The following GRID1 variants were observed in gnomAD, a reference collection of about 807,000 sequenced individuals.
GRID1 encodes the protein glutamate receptor ionotropic, delta-1.
In GRID1, 28 loss-of-function variants were observed where a neutral mutation model predicts 98.0. The observed-to-expected ratio is 0.29, with a 90% confidence interval of 0.21 to 0.39. The LOEUF is 0.39. GRID1 is among the 10% of genes least tolerant of loss of function. The pLI, the probability that GRID1 is intolerant of heterozygous loss-of-function variation, is 1.00. For missense variants in GRID1, 1,111 were observed against 1,340.5 expected, an observed-to-expected ratio of 0.83 and a Z score of 2.67; for synonymous variants, 553 against 538.5, an observed-to-expected ratio of 1.03 and a Z score of -0.37.
At chr10:85,930,707 T>G (rs1841840296) in intron 4 of GRID1, among the ~76,000 whole-genome samples, 1 of 152,244 alleles carries the variant, frequency 6.6e-6, no homozygotes, top group Non-Finnish European at 1.5e-5. Flanking sequence ...TGTAAGTTTT[T>G]GAGTATTTCC....
intron 3 of GRID1, among the ~76,000 whole-genome samples, chr10:86,161,439 G>A (rs1845321232): frequency 6.6e-6 from 1 of 152,082 alleles, no homozygotes. Flanking sequence ...CCAGGCTCTG[G>A]GGCAGGCTAA....
At chr10:85,787,813 C>G (rs758159798) in intron 8 of GRID1, among the ~76,000 whole-genome samples, 3 of 152,178 alleles carry the variant, frequency 2.0e-5, no homozygotes, top group Admixed American at 6.5e-5. Flanking sequence ...TGTCATCTGA[C>G]AGCCAGGGGC....
Position 86,221,000 on chromosome 10 carries a change from G to A in GRID1, c.236-14352C>T, listed in dbSNP as rs568066484. On this transcript the variant is annotated intron_variant, in intron 2 of 15. Coordinates refer to ENST00000327946, the MANE Select transcript of GRID1 (RefSeq NM_017551.3). Reference sequence around the variant, plus strand: ...TTGATCAACCCTGCGCCTCCAGGAGGAGGCAAAGCCATCACGACATAAGCC... The same window carrying A: ...TTGATCAACCCTGCGCCTCCAGGAGAAGGCAAAGCCATCACGACATAAGCC... Among the ~76,000 whole-genome samples, 7 of 152,278 alleles carry A rather than the reference G, an allele frequency of 4.6e-5. No individual in the cohort carries two copies. The South Asian group carries it at 1.5e-3, about 32-fold the overall frequency.
At chr10:86,125,007 G>A (rs1844731956) in intron 4 of GRID1, among the ~76,000 whole-genome samples, 1 of 152,192 alleles carries the variant, frequency 6.6e-6, no homozygotes, top group Non-Finnish European at 1.5e-5. Context: ...ATCATAAGAT[G>A]AGGTTGGTCC....
At chr10:85,786,086 C>T (rs1842426427) in intron 8 of GRID1, among the ~76,000 whole-genome samples, 1 of 152,148 alleles carries the variant, frequency 6.6e-6, no homozygotes, top group African/African-American at 2.4e-5. Flanking sequence ...ATCTCTAGCC[C>T]AGCTACATCA....
intron 2 of GRID1, among the ~76,000 whole-genome samples, chr10:86,282,979 G>A (rs1847377291): frequency 6.6e-6 from 1 of 152,114 alleles, no homozygotes; most frequent in Non-Finnish European, 1.5e-5. Context: ...CACAGTCAGG[G>A]CCAGGCCTCT....
At chr10:85,626,694 C>T (rs952431464) in intron 13 of GRID1, among the ~76,000 whole-genome samples, 15 of 152,158 alleles carry the variant, frequency 9.9e-5, no homozygotes, top group Non-Finnish European at 1.8e-4. Flanking sequence ...TTCCTATAGT[C>T]ACGTTCATTC....
chr10:85,789,232 A>G (rs1217927418), intron 8 of GRID1, among the ~76,000 whole-genome samples: 1 of 152,110 alleles, frequency 6.6e-6, no homozygotes, highest in Non-Finnish European at 1.5e-5. Flanking sequence ...GTGACTGTGT[A>G]AGCAGGAACC....
chr10:85,821,664 G>C (rs905491655), intron 8 of GRID1, among the ~76,000 whole-genome samples: 1 of 151,890 alleles, frequency 6.6e-6, no homozygotes, highest in Admixed American at 6.6e-5. Flanking sequence ...ACAAAAATTT[G>C]GGTGTCTGTA....
At chr10:85,977,108 C>A (rs12762130) in intron 4 of GRID1, among the ~76,000 whole-genome samples, 18,756 of 152,222 alleles carry the variant, frequency 0.12, 1,524 homozygotes, top group Non-Finnish European at 0.18. Context: ...TCTCCTGATG[C>A]ATTTGATTTG....
At chr10:86,290,541 T>C (rs1847497413) in intron 2 of GRID1, among the ~76,000 whole-genome samples, 1 of 152,112 alleles carries the variant, frequency 6.6e-6, no homozygotes, top group Admixed American at 6.5e-5. Context: ...TATTCCCACC[T>C]ACTCAGGAGG....
chr10:86,204,630 C>T (rs1845999797), intron 3 of GRID1, among the ~76,000 whole-genome samples: 1 of 152,220 alleles, frequency 6.6e-6, no homozygotes, highest in South Asian at 2.1e-4. Flanking sequence ...CACAGGAGCC[C>T]AGGCGGGTGG....
intron 12 of GRID1, among the ~76,000 whole-genome samples, chr10:85,658,219 C>T (rs1388712857): frequency 1.3e-5 from 2 of 152,128 alleles, no homozygotes; most frequent in African/African-American, 2.4e-5. Flanking sequence ...ACCATCTTTC[C>T]TTCCCTCTTC....
chr10:85,835,730 A>G (rs1842906654), intron 8 of GRID1, among the ~76,000 whole-genome samples: 1 of 152,240 alleles, frequency 6.6e-6, no homozygotes, highest in Admixed American at 6.5e-5. Flanking sequence ...TCAGCAGAAT[A>G]TACATCTTTT....
At chr10:85,815,453 A>T (rs2131746875) in intron 8 of GRID1, among the ~76,000 whole-genome samples, 1 of 152,132 alleles carries the variant, frequency 6.6e-6, no homozygotes, top group Non-Finnish European at 1.5e-5. Flanking sequence ...AATAAATAGA[A>T]CTGTCTTTAT....
At chr10:85,904,185 G>T (rs1411587461) in intron 5 of GRID1, among the ~76,000 whole-genome samples, 1 of 152,168 alleles carries the variant, frequency 6.6e-6, no homozygotes. Context: ...AACCAAGATG[G>T]AGTAACAGGG....
intron 13 of GRID1, among the ~76,000 whole-genome samples, chr10:85,636,700 T>G (rs1336567934): frequency 6.6e-6 from 1 of 152,206 alleles, no homozygotes; most frequent in Non-Finnish European, 1.5e-5. Flanking sequence ...TACTAATTTA[T>G]TTTTTAAATC....
intron 4 of GRID1, among the ~76,000 whole-genome samples, chr10:85,959,323 G>T (rs1004015681): frequency 6.6e-6 from 1 of 152,184 alleles, no homozygotes; most frequent in Non-Finnish European, 1.5e-5. Context: ...GGAAACTTTG[G>T]CCCTCTCTGT....
intron 15 of GRID1, among the ~76,000 whole-genome samples, chr10:85,612,096 A>ACAG (rs1842738433): frequency 6.6e-6 from 1 of 152,204 alleles, no homozygotes; most frequent in African/African-American, 2.4e-5. Context: ...CAGGGAAGAG[A>ACAG]CAGCATAAGG....
Sources: gnomAD v4.1 joint callset for allele counts (sites outside exome capture counted in the v4.1 genomes callset) on GRCh38, gnomAD v4.1.1 for gene constraint, MANE v1.5 for transcripts, NCBI Gene and HGNC (gene_info 2026-07-23, HGNC 2026-07-21) for gene names.